LSM12: variants seen among roughly 807,000 people sequenced by gnomAD.
The protein encoded by LSM12 is LSM12 homolog.
For synonymous variants in LSM12, 74 were observed against 87.3 expected, an observed-to-expected ratio of 0.85 and a Z score of 0.85; for missense variants, 108 against 238.9, an observed-to-expected ratio of 0.45 and a Z score of 3.61.
intron 2 of LSM12, among the ~76,000 whole-genome samples, chr17:44,042,077 A>G (rs2049502659): frequency 6.6e-6 from 1 of 152,128 alleles, no homozygotes; most frequent in South Asian, 2.1e-4. Flanking sequence ...ACCTGAGGTC[A>G]GGAGTTTGAG....
In LSM12 at chr17:44,066,406, C is replaced by A; in HGVS notation, c.124+58G>T. ...CCAGCCGCCGCCGTCGTCCCCCACC[C>A]CCCGACCACCGCACCTACACGCCGG... On this transcript the variant is annotated intron_variant, in intron 1 of 4. Transcript: ENST00000293406. 6 of 1,496,952 alleles carry A rather than the reference C, an allele frequency of 4.0e-6. No individual in the cohort carries two copies. The Admixed American group carries it at 1.3e-4, about 33-fold the overall frequency. The allele number at this position is 1,496,952 out of a possible 1,614,324, so 92.7% of individuals were successfully genotyped here. A position where few individuals can be genotyped will look rare whatever the true frequency, so the allele number is the denominator to read the frequency against.
chr17:44,066,396 G>A, intron 1 of LSM12, 68 bp downstream of exon 1: 3 of 1,475,722 alleles, frequency 2.0e-6, no homozygotes, highest in South Asian at 1.3e-5. Flanking sequence ...CGCCGCCGTC[G>A]TCCCCCACCC....
rs201459027 is a variant in LSM12, at chr17:44,054,710, CCT to C, written c.258+9089_258+9090del. On this transcript the variant is annotated intron_variant, in intron 2 of 4. Coordinates refer to ENST00000293406, the MANE Select transcript of LSM12 (RefSeq NM_001371445.1). ...TGCCACTCAGCAGTGATGGGATCTT[CCT>C]CTCCATCTCCCACCTGTATCTTCCT... Among the ~76,000 whole-genome samples, 75 of 152,288 alleles carry C rather than the reference CCT, an allele frequency of 4.9e-4. 1 individual carries two copies. In the East Asian group the frequency reaches 0.013, roughly 27 times the overall value.
intron 4 of LSM12, chr17:44,037,080 G>A: frequency 1.2e-5 from 2 of 169,936 alleles, no homozygotes; most frequent in Non-Finnish European, 2.5e-5. Context: ...CTCCAGCGTG[G>A]GCGACAGAGC....
At chr17:44,063,722 C>A in intron 2 of LSM12, 79 bp downstream of exon 2, 2 of 1,392,234 alleles carry the variant, frequency 1.4e-6, no homozygotes, top group Non-Finnish European at 1.9e-6. Flanking sequence ...AAAAAATAGA[C>A]AACAATGTAT....
intron 2 of LSM12, among the ~76,000 whole-genome samples, chr17:44,051,389 C>CAAAAAAAAAA (rs57974319): frequency 8.7e-6 from 1 of 114,954 alleles, no homozygotes; most frequent in African/African-American, 4.1e-5. Flanking sequence ...GACTCCGTCT[C>CAAAAAAAAAA]AAAAAAAAAA....
chr17:44,044,254 G>C (rs1381101394), intron 2 of LSM12, among the ~76,000 whole-genome samples: 1 of 152,108 alleles, frequency 6.6e-6, no homozygotes, highest in Non-Finnish European at 1.5e-5. Flanking sequence ...AAATAAAATG[G>C]ATATAAATCT....
rs141036510 is a variant in LSM12, at chr17:44,052,356, C to T, written c.258+11445G>A. On this transcript the variant is annotated intron_variant, in intron 2 of 4. Transcript: ENST00000293406. ...AAAATCAGCCAGGTGTGTTGGCATG[C>T]ACCTGTAGTCTCAGCTACCTGAAAG... Among the ~76,000 whole-genome samples, 122 of 151,866 alleles carry T rather than the reference C, an allele frequency of 8.0e-4. 1 individual carries two copies. The highest frequency in any genetic ancestry group is 2.7e-3 in the African/African-American group (113 of 41,400).
At chr17:44,043,494 A>T (rs1011544260) in intron 2 of LSM12, among the ~76,000 whole-genome samples, 58 of 152,226 alleles carry the variant, frequency 3.8e-4, no homozygotes, top group African/African-American at 1.3e-3. Context: ...TTAAGCAGCA[A>T]CAAGCAACGC....
chr17:44,062,807 G>T (rs1327878791), intron 2 of LSM12, among the ~76,000 whole-genome samples: 1 of 151,830 alleles, frequency 6.6e-6, no homozygotes, highest in Admixed American at 6.6e-5. Context: ...CAGACTGCCT[G>T]AGCTCAGGAG....
At chr17:44,038,608 T>C (rs755595477) in intron 3 of LSM12, among the ~76,000 whole-genome samples, 17 of 152,014 alleles carry the variant, frequency 1.1e-4, no homozygotes, top group Non-Finnish European at 2.2e-4. Context: ...TGAGCCAAGA[T>C]TGCACCATTG....
At chr17:44,039,627 T>C (rs1030976507) in intron 3 of LSM12, among the ~76,000 whole-genome samples, 2 of 140,462 alleles carry the variant, frequency 1.4e-5, no homozygotes, top group Non-Finnish European at 3.1e-5. Context: ...ATGATCCACC[T>C]GCCTCGGCCT....
chr17:44,037,529 G>C lies in LSM12; in HGVS notation c.378C>G (p.Asp126Glu). 1.2e-6 allele frequency: 2 copies of C among 1,608,740 alleles called. No homozygotes were observed. Among genetic ancestry groups the C allele is most frequent in the Non-Finnish European group, 1.7e-6 (2 of 1,177,662 alleles). Residue 126 changes from aspartate to glutamate, a missense_variant, in exon 4 of 5, where the codon GAC becomes GAG. Physicochemically the swap from Asp to Glu is conservative, Grantham distance 45 (BLOSUM62 2). Coordinates refer to ENST00000293406, the MANE Select transcript of LSM12 (RefSeq NM_001371445.1). The part of the protein sequence containing the change: ...LFQTIHKTIK[D>E]CKWQEKNIVV... ...CGATGTTTTTTTCTTGCCATTTACAGTCTTTAATGCTGGAAGGAGAAGACA... is the reference window on the plus strand; with the variant it reads ...CGATGTTTTTTTCTTGCCATTTACACTCTTTAATGCTGGAAGGAGAAGACA...
In LSM12 at chr17:44,034,419, G is replaced by C. The variant is rs533826686; in HGVS notation, c.*1789C>G. Among the ~76,000 whole-genome samples the C allele has an allele frequency of 6.6e-6, 1 of 152,068 alleles. No individual in the cohort carries two copies. The highest frequency in any genetic ancestry group is 1.5e-5 in the Non-Finnish European group (1 of 68,032). On this transcript the variant is annotated 3_prime_UTR_variant, in exon 5 of 5. Transcript: ENST00000293406. ...AAATGGTTCTATGTATGTGACTACA[G>C]CCTTTTCCCCACACTCCACCTACAC...
chr17:44,067,558 C>G (rs1359263948), upstream of LSM12: 1 of 152,186 alleles, frequency 6.6e-6, no homozygotes, highest in Non-Finnish European at 1.5e-5. Context: ...CTAAACTTGT[C>G]CACGGTTCCA....
In LSM12 at chr17:44,063,870, A is replaced by G. The variant is rs147935602; in HGVS notation, c.189T>C (p.Val63=). 16 of 1,613,958 alleles carry G rather than the reference A, an allele frequency of 9.9e-6. No individual in the cohort carries two copies. Among genetic ancestry groups the G allele is most frequent in the Non-Finnish European group, 2.5e-6 (3 of 1,180,032 alleles). ...ADILLINLQY[V]SEVEIINDRT... ...GGTCATTAATTATTTCCACTTCTGA[A>G]ACATACTGTAAGTTTATGAGCAAGA... Residue 63 remains valine, a synonymous_variant, in exon 2 of 5, where the codon GTT becomes GTC. Coordinates refer to ENST00000293406, the MANE Select transcript of LSM12 (RefSeq NM_001371445.1).
intron 4 of LSM12, chr17:44,037,085 C>T (rs574191857): frequency 3.2e-4 from 55 of 174,570 alleles, no homozygotes; most frequent in African/African-American, 1.1e-3. Context: ...GCGTGGGCGA[C>T]AGAGCGAGAC....
chr17:44,061,110 G>C (rs1475716280), intron 2 of LSM12, among the ~76,000 whole-genome samples: 1 of 152,104 alleles, frequency 6.6e-6, no homozygotes, highest in Non-Finnish European at 1.5e-5. Flanking sequence ...CTGAGGTCGG[G>C]AGTTCGAGAC....
chr17:44,066,679 G>C (rs1202664256), upstream of LSM12: 5 of 1,251,266 alleles, frequency 4.0e-6, no homozygotes, highest in Non-Finnish European at 5.0e-6. Context: ...GGCGCGCACG[G>C]AGCGTGCTTG....
Sources: gnomAD v4.1 joint callset for allele counts (sites outside exome capture counted in the v4.1 genomes callset) on GRCh38, gnomAD v4.1.1 for gene constraint, MANE v1.5 for transcripts, NCBI Gene and HGNC (gene_info 2026-07-23, HGNC 2026-07-21) for gene names.